Variants in SHANK2 observed in about 807,000 individuals in gnomAD.
The protein encoded by SHANK2 is SH3 and multiple ankyrin repeat domains 2, also known as SH3 and multiple ankyrin repeat domains protein 2.
Under a neutral mutation model 133.7 loss-of-function variants are expected in SHANK2, and 43 were observed. The ratio of observed to expected loss-of-function variants is 0.32; its 90% CI spans 0.25 to 0.41. The LOEUF (loss-of-function observed/expected upper bound fraction) is 0.41. Among genes scored for constraint, SHANK2 ranks in the 10% least tolerant of loss-of-function variants. SHANK2 has a pLI of 1.00. For missense variants in SHANK2, 1,994 were observed against 2,235.8 expected, an observed-to-expected ratio of 0.89 and a Z score of 2.18; for synonymous variants, 1,017 against 952.8, an observed-to-expected ratio of 1.07 and a Z score of -1.24.
chr11:70,528,702 C>T (rs571743162), intron 17 of SHANK2, among the ~76,000 whole-genome samples: 41 of 151,958 alleles, frequency 2.7e-4, no homozygotes, highest in African/African-American at 9.4e-4. Context: ...CGGGTCAGCT[C>T]GCCGGCTCCC....
chr11:70,658,433 ATC>A (rs1237679263), intron 17 of SHANK2, among the ~76,000 whole-genome samples: 2 of 152,120 alleles, frequency 1.3e-5, no homozygotes, highest in African/African-American at 4.8e-5. Context: ...GCGGGCTCCA[ATC>A]TCTGTCATTC....
intron 15 of SHANK2, among the ~76,000 whole-genome samples, chr11:70,663,731 A>G (rs1434014462): frequency 6.6e-6 from 1 of 152,122 alleles, no homozygotes; most frequent in Non-Finnish European, 1.5e-5. Context: ...ACTCTGGGGA[A>G]CTCGGTCACA....
At chr11:71,103,193 C>T (rs782007770) in intron 6 of SHANK2, among the ~76,000 whole-genome samples, 3 of 152,212 alleles carry the variant, frequency 2.0e-5, no homozygotes, top group Non-Finnish European at 4.4e-5. Flanking sequence ...CCCAGTTGGG[C>T]TCTCAGAGCT....
intron 17 of SHANK2, among the ~76,000 whole-genome samples, chr11:70,532,517 C>A (rs893936826): frequency 2.0e-5 from 3 of 152,076 alleles, no homozygotes; most frequent in African/African-American, 7.2e-5. Flanking sequence ...AGAGGGAGGG[C>A]CCCTGGTCCT....
chr11:70,600,185 G>C (rs1554990673), intron 17 of SHANK2, among the ~76,000 whole-genome samples: 1 of 152,080 alleles, frequency 6.6e-6, no homozygotes, highest in Non-Finnish European at 1.5e-5. Flanking sequence ...TTGAGAGGCT[G>C]AGGCGGGTGG....
At chr11:71,131,928 C>A (rs568812880) in intron 3 of SHANK2, among the ~76,000 whole-genome samples, 2 of 152,328 alleles carry the variant, frequency 1.3e-5, no homozygotes, top group South Asian at 4.2e-4. Flanking sequence ...AGATCATTCC[C>A]AGAGCCACAC....
chr11:70,834,077 G>A (rs1441138725), intron 11 of SHANK2, among the ~76,000 whole-genome samples: 1 of 152,240 alleles, frequency 6.6e-6, no homozygotes, highest in Non-Finnish European at 1.5e-5. Context: ...ATAAAATGTT[G>A]GGATGTAGGA....
chr11:70,663,889 G>A (rs781843543), intron 15 of SHANK2, among the ~76,000 whole-genome samples: 7 of 152,148 alleles, frequency 4.6e-5, no homozygotes, highest in Non-Finnish European at 7.3e-5. Flanking sequence ...AAAATGATGG[G>A]GCTCTCTAAA....
chr11:70,861,616 G>A (rs925553166), intron 11 of SHANK2, among the ~76,000 whole-genome samples: 11 of 152,046 alleles, frequency 7.2e-5, no homozygotes, highest in African/African-American at 2.7e-4. Flanking sequence ...GCACTGAGTT[G>A]GCCTCCTCTA....
At chr11:70,747,406 CT>C (rs1256000300) in intron 14 of SHANK2, among the ~76,000 whole-genome samples, 1 of 152,198 alleles carries the variant, frequency 6.6e-6, no homozygotes, top group African/African-American at 2.4e-5. Context: ...TTTTCATGGC[CT>C]GACATTCTCA....
intron 10 of SHANK2, among the ~76,000 whole-genome samples, chr11:70,952,983 T>C (rs1950867411): frequency 6.6e-6 from 1 of 152,118 alleles, no homozygotes; most frequent in African/African-American, 2.4e-5. Context: ...CCCAACCTCC[T>C]GGCAGCACCA....
At chr11:70,654,949 A>G (rs1436125241) in intron 17 of SHANK2, among the ~76,000 whole-genome samples, 3 of 151,872 alleles carry the variant, frequency 2.0e-5, no homozygotes, top group African/African-American at 7.3e-5. Flanking sequence ...TTGTATTTTT[A>G]GTAGAGACGG....
intron 10 of SHANK2, among the ~76,000 whole-genome samples, chr11:70,915,586 T>G (rs1950258483): frequency 6.6e-6 from 1 of 152,080 alleles, no homozygotes; most frequent in Admixed American, 6.5e-5. Context: ...AGTGACATCA[T>G]GCCCTCAACT....
intron 17 of SHANK2, among the ~76,000 whole-genome samples, chr11:70,606,607 G>A (rs1400615785): frequency 6.7e-6 from 1 of 150,012 alleles, no homozygotes; most frequent in Non-Finnish European, 1.5e-5. Context: ...TTTGTGGGGG[G>A]CCAAGTCCTG....
At chr11:70,924,882 G>T (rs1950405439) in intron 10 of SHANK2, among the ~76,000 whole-genome samples, 1 of 152,192 alleles carries the variant, frequency 6.6e-6, no homozygotes, top group South Asian at 2.1e-4. Context: ...ACAGCACAGG[G>T]TCTGCCACTC....
At chr11:71,186,317 G>T (rs1367693152) in intron 2 of SHANK2, among the ~76,000 whole-genome samples, 1 of 152,310 alleles carries the variant, frequency 6.6e-6, no homozygotes, top group East Asian at 1.9e-4. Flanking sequence ...CGGTGGAGTG[G>T]ACAAATGCCG....
chr11:70,537,667 G>T (rs111390190), intron 17 of SHANK2, among the ~76,000 whole-genome samples: 1 of 152,366 alleles, frequency 6.6e-6, no homozygotes, highest in Non-Finnish European at 1.5e-5. Flanking sequence ...AAGCTGCCCC[G>T]TTTGTAGCCA....
chr11:71,189,182 C>T (rs1263819569), intron 2 of SHANK2, among the ~76,000 whole-genome samples: 2 of 152,250 alleles, frequency 1.3e-5, no homozygotes, highest in Non-Finnish European at 2.9e-5. Context: ...TCCTCCTGGC[C>T]ACCCCGGCTT....
rs1590930234 is a variant in SHANK2, at chr11:71,118,833, AG to A, written c.406del (p.Leu136TrpfsTer29). The A allele has an allele frequency of 3.2e-6, 5 of 1,547,064 alleles. No individual in the cohort carries two copies. The highest frequency in any genetic ancestry group is 4.4e-6 in the Non-Finnish European group (5 of 1,144,368). On this transcript the variant is annotated frameshift_variant, in exon 4 of 26. Coordinates refer to ENST00000601538, the MANE Select transcript of SHANK2 (RefSeq NM_012309.5). LOFTEE classifies it high-confidence loss of function. Reference protein sequence around the residue: ...PQPVGEGVPSLEFRYKKRVYK... With the variant: ...PQPVGEGVPSXEFRYKKRVYK... ...GCACTGTGGGCTGAAATATACCTCC[AG>A]GGAAGGAACGCCCTCACCCACGGGC...
Sources: gnomAD v4.1 joint callset for allele counts (sites outside exome capture counted in the v4.1 genomes callset) on GRCh38, gnomAD v4.1.1 for gene constraint, MANE v1.5 for transcripts, NCBI Gene and HGNC (gene_info 2026-07-23, HGNC 2026-07-21) for gene names.